The following PIEZO1 variants were observed in gnomAD, a reference collection of about 807,000 sequenced individuals.
PIEZO1 encodes piezo-type mechanosensitive ion channel component 1.
Under a neutral mutation model 297.2 loss-of-function variants are expected in PIEZO1, and 296 were observed. That is an observed-to-expected ratio of 1.00 (90% CI 0.91 to 1.10). PIEZO1 has a LOEUF of 1.10. Ranked by LOEUF, PIEZO1 falls within the 50% of genes least tolerant of loss-of-function variation. The pLI is 0.00. For synonymous variants in PIEZO1, 2,427 were observed against 1,507.5 expected (o/e 1.61, Z -14.13); for missense variants, 5,018 against 3,455.5 (o/e 1.45, Z -11.34).
rs73251016 is a variant in PIEZO1, at chr16:88,766,383, G to C, written c.65-16904C>G. Among the ~76,000 whole-genome samples the C allele has an allele frequency of 6.6e-3, 1,001 of 152,312 alleles. 7 individuals are homozygous for C. Among genetic ancestry groups the C allele is most frequent in the African/African-American group, 0.021 (886 of 41,570 alleles). On this transcript the variant is annotated intron_variant, in intron 1 of 50. Transcript: ENST00000301015. The stretch of plus-strand genomic sequence containing the variant: ...CCAGCGCGCCCTGCGAACTTCAGAC[G>C]TGACAGCCCCACAATCGCGTGCGTC...
intron 36 of PIEZO1, 60 bp from the exon 37 acceptor site, chr16:88,722,126 A>G (rs552955948): frequency 2.0e-6 from 3 of 1,523,858 alleles, no homozygotes; most frequent in Non-Finnish European, 2.6e-6. Flanking sequence ...TGACGGCCCG[A>G]TCTGTTGCCG....
chr16:88,743,795 ACACT>A (rs1301513619), intron 2 of PIEZO1: 11 of 389,744 alleles, frequency 2.8e-5, no homozygotes, highest in African/African-American at 2.1e-4. Flanking sequence ...CCAGCTTCTC[ACACT>A]CACACCTTCC....
intron 1 of PIEZO1, among the ~76,000 whole-genome samples, chr16:88,765,605 G>C (rs1390665628): frequency 6.6e-6 from 1 of 152,134 alleles, no homozygotes; most frequent in African/African-American, 2.4e-5. Flanking sequence ...CTGGCAAGGG[G>C]CTGGACAGCA....
chr16:88,721,571 G>A lies in PIEZO1; in HGVS notation c.5370C>T (p.Leu1790=), dbSNP rs1294033550. 3 of 1,550,076 alleles carry A rather than the reference G, an allele frequency of 1.9e-6. No individual in the cohort carries two copies. The highest frequency in any genetic ancestry group is 2.6e-6 in the Non-Finnish European group (3 of 1,146,866). The change falls in exon 38 of 51, where the codon CTC becomes CTT. Residue 1790 remains leucine (L), a synonymous_variant. Transcript: ENST00000301015. ...GGGAGCGGTGGAAGAAAAGGGCCAT[G>A]AGCTGCACCAGGTCGTACTTGATGT... is the stretch of plus-strand genomic sequence containing the variant. ...DGYIKYDLVQ[L]MALFFHRSQL...
intron 1 of PIEZO1, among the ~76,000 whole-genome samples, chr16:88,777,275 T>C (rs1420727151): frequency 6.6e-6 from 1 of 152,250 alleles, no homozygotes; most frequent in African/African-American, 2.4e-5. Context: ...CCGGAGGACC[T>C]GCTCTTTTAG....
chr16:88,749,176 C>G lies in PIEZO1; in HGVS notation c.160+208G>C, dbSNP rs1305183740. Among the ~76,000 whole-genome samples the G allele has an allele frequency of 9.3e-5, 14 of 150,842 alleles. No individual in the cohort carries two copies. In the East Asian group the frequency reaches 2.4e-3, roughly 26 times the overall value. On this transcript the variant is annotated intron_variant, in intron 2 of 50. Transcript: ENST00000301015. ...AATGGCGTGAACCTGGGAGGCGAAGCCTGCAGTGAGCAGAGATCGCGCCAC... is the reference window on the plus strand; with the variant it reads ...AATGGCGTGAACCTGGGAGGCGAAGGCTGCAGTGAGCAGAGATCGCGCCAC...
In PIEZO1 at chr16:88,715,818, G is replaced by T; in HGVS notation, c.7353C>A (p.Ile2451=). Residue 2451 remains isoleucine, a synonymous_variant, in exon 51 of 51, where the codon ATC becomes ATA. Transcript: ENST00000301015. The part of the protein sequence containing the change: ...MGLYVSIVLV[I]GKFVRGFFSE... The stretch of plus-strand genomic sequence containing the variant: ...TGAAGAATCCGCGCACGAACTTGCC[G>T]ATGACCAGCACGATGGACACGTACA... 1.9e-6 allele frequency: 3 copies of T among 1,550,274 alleles called. No individual in the cohort carries two copies. The highest frequency in any genetic ancestry group is 2.6e-6 in the Non-Finnish European group (3 of 1,146,958).
At position 88,721,894 on chromosome 16, in the gene PIEZO1, G is replaced by A. The variant is rs1343977836; in HGVS notation, c.5128C>T (p.Leu1710=). The change falls in exon 37 of 51, where the codon CTG becomes TTG. Residue 1710 remains leucine, a synonymous_variant. Transcript: ENST00000301015. The stretch of plus-strand genomic sequence containing the variant: ...GCCCACAGGAAGACGAGCACGGGCA[G>A]CACCAGCGAGCCGGCGGAGGCCGTG... ...MVTASAGSLV[L]PVLVFLWAML... 6.5e-7 allele frequency: 1 copy of A among 1,550,108 alleles called. No homozygotes were observed. The highest frequency in any genetic ancestry group is 2.0e-5 in the Admixed American group (1 of 51,014).
In PIEZO1 at chr16:88,751,546, C is replaced by T. The variant is rs56843187; in HGVS notation, c.65-2067G>A. The stretch of plus-strand genomic sequence containing the variant: ...CCGCCCGCCCTGCTGGACACAGCAG[C>T]CTCCCCCAGCTCCCCCAGGAGCCCT... On this transcript the variant is annotated intron_variant, in intron 1 of 50. Transcript: ENST00000301015. Among the ~76,000 whole-genome samples the T allele has an allele frequency of 5.1e-3, 773 of 152,318 alleles. 20 individuals are homozygous for T. In the East Asian group the frequency reaches 0.086, roughly 17 times the overall value.
chr16:88,762,854 C>T (rs904592888), intron 1 of PIEZO1, among the ~76,000 whole-genome samples: 5 of 152,178 alleles, frequency 3.3e-5, no homozygotes, highest in African/African-American at 9.7e-5. Context: ...GGTGGTCCCT[C>T]GGCCAGCAGC....
In PIEZO1 at chr16:88,734,032, G is replaced by C; in HGVS notation, c.2203C>G (p.Pro735Ala). 2 of 1,540,008 alleles carry C rather than the reference G, an allele frequency of 1.3e-6. No homozygotes were observed. The highest frequency in any genetic ancestry group is 1.8e-6 in the Non-Finnish European group (2 of 1,140,638). Reference sequence around the variant, plus strand: ...TCCTGCTGCTCCTCCCGCAGCAGTGGGGTCCCACTCACTGCATCCTGCCTG... The same window carrying C: ...TCCTGCTGCTCCTCCCGCAGCAGTGCGGTCCCACTCACTGCATCCTGCCTG... The part of the protein sequence containing the change: ...AHRQDAVSGT[P>A]LLREEQQEHQ... Residue 735 changes from proline (P) to alanine (A), a missense_variant, in exon 17 of 51, where the codon CCA (proline) becomes GCA (alanine). By Grantham distance (27) the Pro-to-Ala change is conservative (BLOSUM62 -1). Coordinates refer to ENST00000301015, the MANE Select transcript of PIEZO1 (RefSeq NM_001142864.4).
intron 1 of PIEZO1, among the ~76,000 whole-genome samples, chr16:88,777,218 G>A (rs571108692): frequency 2.2e-4 from 34 of 152,352 alleles, no homozygotes; most frequent in African/African-American, 7.7e-4. Flanking sequence ...GGATCCACCC[G>A]TCTCGGCCTC....
In PIEZO1 at chr16:88,719,718, G is replaced by C. The variant is rs1165667870; in HGVS notation, c.6327C>G (p.Phe2109Leu). Residue 2109 changes from phenylalanine to leucine, a missense_variant, in exon 44 of 51, where the codon TTC (phenylalanine) becomes TTG (leucine). Coordinates refer to ENST00000301015, the MANE Select transcript of PIEZO1 (RefSeq NM_001142864.4). ...NHLNLFLFQG[F>L]RLVPFLVELR... ...GCTCCACCAGGAACGGCACCAGCCGGAACCTGCCCACAGCCAGGGTTCCCG... is the reference window on the plus strand; with the variant it reads ...GCTCCACCAGGAACGGCACCAGCCGCAACCTGCCCACAGCCAGGGTTCCCG... 2 of 1,551,064 alleles carry C rather than the reference G, an allele frequency of 1.3e-6. No individual in the cohort carries two copies. Among genetic ancestry groups the C allele is most frequent in the South Asian group, 1.2e-5 (1 of 84,086 alleles).
In PIEZO1 at chr16:88,727,152, C is replaced by A. The variant is rs996778701; in HGVS notation, c.3342G>T (p.Gln1114His). The change falls in exon 24 of 51, where the codon CAG becomes CAT. Residue 1114 changes from glutamine to histidine, a missense_variant. Coordinates refer to ENST00000301015, the MANE Select transcript of PIEZO1 (RefSeq NM_001142864.4). ...CCTCTGTGCGCTCAGCTGAGAACAC[C>A]TGCCACTGCTGGGAGGCGCACAGCA... Reference protein sequence around the residue: ...LLLLCASQQWQVFSAERTEEW... With the variant: ...LLLLCASQQWHVFSAERTEEW... The A allele has an allele frequency of 1.3e-6, 2 of 1,548,958 alleles. No individual in the cohort carries two copies. The highest frequency in any genetic ancestry group is 8.7e-7 in the Non-Finnish European group (1 of 1,146,096).
At chr16:88,747,166 G>C (rs760426123) in intron 2 of PIEZO1, among the ~76,000 whole-genome samples, 1 of 152,018 alleles carries the variant, frequency 6.6e-6, no homozygotes, top group Non-Finnish European at 1.5e-5. Flanking sequence ...AGGAGGTGGA[G>C]GCTGCAGTGA....
chr16:88,715,880 G>A (rs1911978757), intron 50 of PIEZO1, 26 bp from the exon 51 acceptor site: 1 of 1,546,854 alleles, frequency 6.5e-7, no homozygotes, highest in Non-Finnish European at 8.7e-7. Context: ...GTGAGTCCTG[G>A]GGCCGCCCGG....
At chr16:88,757,295 T>C (rs1906711300) in intron 1 of PIEZO1, among the ~76,000 whole-genome samples, 1 of 78,614 alleles carries the variant, frequency 1.3e-5, no homozygotes, top group Non-Finnish European at 2.6e-5. Flanking sequence ...GTGCAGGCCC[T>C]GGGTATGCAG....
chr16:88,767,960 C>T (rs1180732080), intron 1 of PIEZO1, among the ~76,000 whole-genome samples: 1 of 152,232 alleles, frequency 6.6e-6, no homozygotes, highest in Non-Finnish European at 1.5e-5. Flanking sequence ...GCTTCTCCCG[C>T]TCCCTCCCCC....
chr16:88,767,091 G>A (rs559205970), intron 1 of PIEZO1, among the ~76,000 whole-genome samples: 2 of 152,304 alleles, frequency 1.3e-5, no homozygotes, highest in South Asian at 2.1e-4. Flanking sequence ...TTCTCCGATC[G>A]ATTGGCTTCC....
Sources: gnomAD v4.1 joint callset for allele counts (sites outside exome capture counted in the v4.1 genomes callset) on GRCh38, gnomAD v4.1.1 for gene constraint, MANE v1.5 for transcripts, NCBI Gene and HGNC (gene_info 2026-07-23, HGNC 2026-07-21) for gene names.